The following FGGY variants were observed in gnomAD, a reference collection of about 807,000 sequenced individuals.
FGGY encodes the protein FGGY carbohydrate kinase domain-containing protein.
FGGY carries 72 observed loss-of-function variants against 71.3 expected under a neutral mutation model. That is an observed-to-expected ratio of 1.01 (90% CI 0.84 to 1.23). FGGY has a LOEUF of 1.23. Among genes scored for constraint, FGGY ranks in the 50% most tolerant of loss-of-function variants. The pLI, the probability that FGGY is intolerant of heterozygous loss-of-function variation, is 0.00. For synonymous variants in FGGY, 251 were observed against 250.3 expected (o/e 1.00, Z -0.02); for missense variants, 668 against 682.3 (o/e 0.98, Z 0.23).
At chr1:59,380,366 G>A (rs1458845818) in intron 5 of FGGY, among the ~76,000 whole-genome samples, 4 of 151,426 alleles carry the variant, frequency 2.6e-5, no homozygotes, top group Admixed American at 6.6e-5. Context: ...CTGAGGAATC[G>A]CCACACTGAC....
chr1:59,501,235 A>G (rs1269874917), intron 6 of FGGY, among the ~76,000 whole-genome samples: 1 of 152,172 alleles, frequency 6.6e-6, no homozygotes, highest in Non-Finnish European at 1.5e-5. Flanking sequence ...AAGGAAGTGT[A>G]TTTACCTTAA....
intron 14 of FGGY, among the ~76,000 whole-genome samples, chr1:59,749,140 C>A (rs2098224609): frequency 1.3e-5 from 2 of 152,200 alleles, no homozygotes; most frequent in Non-Finnish European, 2.9e-5. Context: ...CTGCACCTCC[C>A]TCCCCTCATA....
intron 3 of FGGY, among the ~76,000 whole-genome samples, chr1:59,341,612 G>A (rs936381619): frequency 3.3e-5 from 5 of 152,138 alleles, no homozygotes; most frequent in African/African-American, 9.7e-5. Context: ...AAATCAGGAC[G>A]GTTCTTTTTC....
intron 6 of FGGY, among the ~76,000 whole-genome samples, chr1:59,465,638 A>G (rs559158846): frequency 4.2e-4 from 64 of 152,306 alleles, no homozygotes; most frequent in African/African-American, 1.4e-3. Context: ...CTCCTCAGCT[A>G]ATAAGCAACT....
intron 8 of FGGY, among the ~76,000 whole-genome samples, chr1:59,602,844 G>T (rs2096590645): frequency 6.6e-6 from 1 of 152,044 alleles, no homozygotes; most frequent in Non-Finnish European, 1.5e-5. Context: ...ATGTTTTGTT[G>T]TTATTTTTTT....
chr1:59,468,738 C>T (rs2092778900), intron 6 of FGGY, among the ~76,000 whole-genome samples: 1 of 151,536 alleles, frequency 6.6e-6, no homozygotes. Flanking sequence ...CAGGTGTGGT[C>T]GCGGGCGCCT....
intron 14 of FGGY, among the ~76,000 whole-genome samples, chr1:59,750,258 A>T (rs891533737): frequency 4.6e-5 from 7 of 152,108 alleles, no homozygotes; most frequent in African/African-American, 1.7e-4. Flanking sequence ...GACCAATTTG[A>T]GGTATGTTTT....
At chr1:59,625,783 A>G (rs1318447978) in intron 9 of FGGY, among the ~76,000 whole-genome samples, 1 of 152,012 alleles carries the variant, frequency 6.6e-6, no homozygotes, top group Non-Finnish European at 1.5e-5. Context: ...TCTTTGTTTT[A>G]TGTATTTAAG....
chr1:59,698,792 A>G (rs1183896192), intron 14 of FGGY: 1 of 985,354 alleles, frequency 1.0e-6, no homozygotes, highest in Non-Finnish European at 1.2e-6. Flanking sequence ...CGCAGCGCAT[A>G]CATTGAGTGC....
Position 59,478,566 on chromosome 1 carries a change from T to G in FGGY, c.670+21490T>G, listed in dbSNP as rs181169014. Among the ~76,000 whole-genome samples, 540 of 152,312 alleles carry G rather than the reference T, an allele frequency of 3.5e-3. 6 individuals carry two copies. The highest frequency in any genetic ancestry group is 3.7e-3 in the Non-Finnish European group (249 of 68,024). ...GGTAAATGAATGAATAAGTAAGCAT[T>G]AGAGATACAGATACAATATGTTTCA... is the stretch of plus-strand genomic sequence containing the variant. On this transcript the variant is annotated intron_variant, in intron 6 of 15. Coordinates refer to ENST00000303721, the MANE Select transcript of FGGY (RefSeq NM_018291.5).
chr1:59,602,994 G>A (rs1553329230), intron 8 of FGGY, among the ~76,000 whole-genome samples: 1 of 152,122 alleles, frequency 6.6e-6, no homozygotes, highest in South Asian at 2.1e-4. Context: ...CTGACATACA[G>A]TATGCAACCA....
intron 5 of FGGY, among the ~76,000 whole-genome samples, chr1:59,432,269 TA>T (rs2067535407): frequency 6.6e-6 from 1 of 152,198 alleles, no homozygotes; most frequent in Non-Finnish European, 1.5e-5. Context: ...GTATTCTTTA[TA>T]ATAAGCCAGT....
intron 10 of FGGY, among the ~76,000 whole-genome samples, chr1:59,634,178 G>A (rs140683849): frequency 0.038 from 5,756 of 152,194 alleles, 226 homozygotes; most frequent in African/African-American, 0.1. Context: ...AGGCTGAGAC[G>A]GGCGGATCAC....
chr1:59,667,275 C>T lies in FGGY; in HGVS notation c.1297-8C>T, dbSNP rs199989515. Reference sequence around the variant, plus strand: ...ATACTGATGCTATCTTCTGCTTTTCCTTTCAAGTTGGGGACTCGCTTCATT... The same window carrying T: ...ATACTGATGCTATCTTCTGCTTTTCTTTTCAAGTTGGGGACTCGCTTCATT... On this transcript the variant is annotated splice_polypyrimidine_tract_variant and splice_region_variant and intron_variant, in intron 12 of 15. Coordinates refer to ENST00000303721, the MANE Select transcript of FGGY (RefSeq NM_018291.5). The T allele has an allele frequency of 4.6e-4, 737 of 1,614,000 alleles. 1 individual carries two copies. Among genetic ancestry groups the T allele is most frequent in the African/African-American group, 2.2e-3 (162 of 75,040 alleles).
rs2058301767 is a variant in FGGY, at chr1:59,374,513, A to G, written c.466-4236A>G. 1.3e-5 allele frequency among the ~76,000 whole-genome samples: 2 copies of G among 152,168 alleles called. 1 individual carries two copies. Among genetic ancestry groups the G allele is most frequent in the South Asian group, 4.1e-4 (2 of 4,826 alleles). Reference sequence around the variant, plus strand: ...CAGTGTGGCGATTCCTCAGGGATCTAGAACTAGAAATACCATTTGACCCAG... The same window carrying G: ...CAGTGTGGCGATTCCTCAGGGATCTGGAACTAGAAATACCATTTGACCCAG... On this transcript the variant is annotated intron_variant, in intron 4 of 15. Coordinates refer to ENST00000303721, the MANE Select transcript of FGGY (RefSeq NM_018291.5).
chr1:59,591,069 C>G (rs900218191), intron 8 of FGGY, among the ~76,000 whole-genome samples: 1 of 152,166 alleles, frequency 6.6e-6, no homozygotes, highest in African/African-American at 2.4e-5. Flanking sequence ...TCTCCTCAAG[C>G]TGATAAGCAA....
chr1:59,536,715 A>T (rs2095324968), intron 7 of FGGY, among the ~76,000 whole-genome samples: 2 of 152,230 alleles, frequency 1.3e-5, no homozygotes, highest in African/African-American at 4.8e-5. Flanking sequence ...AAATCAAAAA[A>T]TATAATCCAG....
chr1:59,299,834 C>T lies in FGGY; in HGVS notation c.-15+2684C>T, dbSNP rs2042483913. Among the ~76,000 whole-genome samples the T allele has an allele frequency of 2.0e-5, 3 of 151,502 alleles. 1 individual carries two copies. The Middle Eastern group carries it at 0.01, about 522-fold the overall frequency. On this transcript the variant is annotated intron_variant, in intron 1 of 15. Transcript: ENST00000303721. Reference sequence around the variant, plus strand: ...GAGAGTGACGATGTGAGTGGTTTGGCGGGAAAAATGGTTATGGCAGAGCAG... The same window carrying T: ...GAGAGTGACGATGTGAGTGGTTTGGTGGGAAAAATGGTTATGGCAGAGCAG...
At chr1:59,665,653 T>A (rs2097316768) in intron 12 of FGGY, among the ~76,000 whole-genome samples, 1 of 150,128 alleles carries the variant, frequency 6.7e-6, no homozygotes, top group African/African-American at 2.4e-5. Context: ...CAGGGCAGCA[T>A]CCTGCTGACT....
Sources: allele counts gnomAD v4.1 joint callset (sites outside exome capture counted in the v4.1 genomes callset), GRCh38; gene constraint gnomAD v4.1.1; transcripts MANE v1.5; gene names NCBI Gene and HGNC (gene_info 2026-07-23, HGNC 2026-07-21).